KIF21B: variants seen among roughly 807,000 people sequenced by gnomAD.
KIF21B encodes kinesin family member 21B.
Under a neutral mutation model 192.9 loss-of-function variants are expected in KIF21B, and 85 were observed. That is an observed-to-expected ratio of 0.44 (90% confidence interval 0.37 to 0.53). KIF21B has a LOEUF of 0.53. Ranked by LOEUF, KIF21B falls within the 20% of genes least tolerant of loss-of-function variation. KIF21B has a pLI of 0.00. For synonymous variants in KIF21B, 832 were observed against 884.6 expected (o/e 0.94, Z 1.05); for missense variants, 1,716 against 2,194.8 (o/e 0.78, Z 4.36).
At position 200,974,800 on chromosome 1, in the gene KIF21B, G is replaced by A. The variant is rs1571905828; in HGVS notation, c.4728C>T (p.Asn1576=). 2 of 1,614,262 alleles carry A rather than the reference G, an allele frequency of 1.2e-6. No individual in the cohort carries two copies. The highest frequency in any genetic ancestry group is 1.7e-6 in the Non-Finnish European group (2 of 1,180,034). Residue 1576 remains asparagine (N), a synonymous_variant, in exon 34 of 35, where the codon AAC becomes AAT. Coordinates refer to ENST00000461742, the MANE Select transcript of KIF21B (RefSeq NM_001252102.2). ...CCTTGATCTCACCGATGGGTGTGAA[G>A]TTGTCCACGTTCCAGACCTTGATGA... ...AGVIKVWNVD[N]FTPIGEIKGH... is the part of the protein sequence containing the mutation.
rs112112486 is a variant in KIF21B at position 201,000,359 on chromosome 1, C to T, written c.1685+31G>A. ...AGGGTCCACTGGGGCGGTCTGAGGGCTCTCAGGGGCGGGGACGACACTCCA... is the reference window on the plus strand; with the variant it reads ...AGGGTCCACTGGGGCGGTCTGAGGGTTCTCAGGGGCGGGGACGACACTCCA... On this transcript the variant is annotated intron_variant, in intron 11 of 34. Transcript: ENST00000461742. This position sits in a 1 kb window ranked among gnomAD's most constrained non-coding sequence, Gnocchi z 6.0. 1.3e-6 allele frequency: 2 copies of T among 1,528,254 alleles called. No individual in the cohort carries two copies. The highest frequency in any genetic ancestry group is 8.7e-7 in the Non-Finnish European group (1 of 1,147,502). The allele number at this position is 1,528,254 out of a possible 1,614,324, so 94.7% of individuals were successfully genotyped here. A position where few individuals can be genotyped will look rare whatever the true frequency, so the allele number is the denominator to read the frequency against.
At chr1:201,014,393 C>T (rs1658389878) in intron 1 of KIF21B, among the ~76,000 whole-genome samples, 1 of 152,176 alleles carries the variant, frequency 6.6e-6, no homozygotes, top group African/African-American at 2.4e-5. Context: ...GGATCCTCGG[C>T]TCTTAGGGGA....
intron 1 of KIF21B, among the ~76,000 whole-genome samples, chr1:201,019,811 G>T (rs1658718708): frequency 1.3e-5 from 2 of 152,028 alleles, no homozygotes; most frequent in Admixed American, 6.6e-5. Context: ...GCATTGACTG[G>T]CTTTGGGACT....
chr1:201,009,584 C>T, intron 1 of KIF21B, 96 bp from the exon 2 acceptor site: 2 of 1,222,376 alleles, frequency 1.6e-6, no homozygotes, highest in Non-Finnish European at 1.1e-6. Context: ...CCACTTCCCC[C>T]ATGAGCCAGA....
intron 1 of KIF21B, among the ~76,000 whole-genome samples, chr1:201,010,314 C>T (rs954491817): frequency 1.3e-5 from 2 of 152,262 alleles, no homozygotes; most frequent in African/African-American, 2.4e-5. Flanking sequence ...CTAGAAAGGA[C>T]GCCAGGCCAG....
chr1:200,990,364 T>C lies in KIF21B; in HGVS notation c.2836-32A>G. The stretch of plus-strand genomic sequence containing the variant: ...TCAGAGGGGAGGGTGGTGATTGTGA[T>C]GAAGGAGAGGCCTCAGGTAGCTGCC... On this transcript the variant is annotated intron_variant, in intron 19 of 34. Coordinates refer to ENST00000461742, the MANE Select transcript of KIF21B (RefSeq NM_001252102.2). The surrounding 1 kb of genome is among the most constrained non-coding windows in gnomAD (Gnocchi z 5.4). The C allele has an allele frequency of 2.5e-6, 4 of 1,571,274 alleles. No individual in the cohort carries two copies. The highest frequency in any genetic ancestry group is 2.3e-5 in the South Asian group (2 of 87,122).
intron 1 of KIF21B, among the ~76,000 whole-genome samples, chr1:201,021,325 T>C (rs886987786): frequency 6.6e-6 from 1 of 152,220 alleles, no homozygotes; most frequent in African/African-American, 2.4e-5. Flanking sequence ...GGCTGGGCGC[T>C]CATGCTGGGG....
intron 16 of KIF21B, among the ~76,000 whole-genome samples, 186 bp downstream of exon 16, chr1:200,992,096 G>C (rs1259468571): frequency 1.3e-5 from 2 of 152,210 alleles, no homozygotes; most frequent in East Asian, 3.9e-4. Flanking sequence ...AACATGTGGG[G>C]GCTGGACCAG....
intron 9 of KIF21B, chr1:201,001,812 T>C (rs1216746013): frequency 3.3e-6 from 1 of 306,292 alleles, no homozygotes; most frequent in African/African-American, 2.1e-5. Flanking sequence ...TACATATTCA[T>C]ACTTGAAACA....
chr1:200,976,976 T>C, intron 31 of KIF21B, 83 bp from the exon 32 acceptor site: 1 of 1,111,482 alleles, frequency 9.0e-7, no homozygotes, highest in Non-Finnish European at 1.3e-6. Flanking sequence ...CCAAAACAAA[T>C]AGGCCTGGTC....
chr1:200,976,421 G>A (rs1655551969), intron 32 of KIF21B, among the ~76,000 whole-genome samples: 1 of 152,158 alleles, frequency 6.6e-6, no homozygotes, highest in Non-Finnish European at 1.5e-5. Context: ...ACTGTGTATG[G>A]ACAGTTTTCA....
At chr1:200,974,425 G>A (rs1655408868) in intron 34 of KIF21B, among the ~76,000 whole-genome samples, 1 of 152,040 alleles carries the variant, frequency 6.6e-6, no homozygotes. Context: ...CCTGCACGGG[G>A]GAAGACAGCC....
Position 200,998,443 on chromosome 1 carries a change from A to T in KIF21B, c.2018T>A (p.Leu673Gln), listed in dbSNP as rs754759688. The T allele has an allele frequency of 5.4e-5, 87 of 1,614,006 alleles. No individual in the cohort carries two copies. Among genetic ancestry groups the T allele is most frequent in the Non-Finnish European group, 7.1e-5 (84 of 1,180,050 alleles). ...LKHQYEEKLI[L>Q]LQNKIRDTQL... The stretch of plus-strand genomic sequence containing the variant: ...TGTGTCTCGGATCTTGTTCTGCAGC[A>T]GAATCAGCTTTTCCTCATACTGGTG... The change falls in exon 14 of 35, where the codon CTG becomes CAG. Residue 673 changes from leucine to glutamine, a missense_variant. By Grantham distance (113) the Leu-to-Gln change is moderately radical. Transcript: ENST00000461742. The surrounding 1 kb of genome is among the most constrained non-coding windows in gnomAD (Gnocchi z 4.3).
Position 200,990,367 on chromosome 1 carries a change from A to T in KIF21B, c.2836-35T>A, listed in dbSNP as rs762626054. 7.0e-6 allele frequency: 11 copies of T among 1,567,510 alleles called. No homozygotes were observed. The South Asian group carries it at 1.3e-4, about 18-fold the overall frequency. On this transcript the variant is annotated intron_variant, in intron 19 of 34. Transcript: ENST00000461742. The surrounding 1 kb of genome is among the most constrained non-coding windows in gnomAD (Gnocchi z 5.4). ...GAGGGGAGGGTGGTGATTGTGATGAAGGAGAGGCCTCAGGTAGCTGCCAAG... is the reference window on the plus strand; with the variant it reads ...GAGGGGAGGGTGGTGATTGTGATGATGGAGAGGCCTCAGGTAGCTGCCAAG...
rs1279753495 is a variant in KIF21B at position 201,002,270 on chromosome 1, A to G, written c.1293T>C (p.Asn431=). The G allele has an allele frequency of 1.5e-5, 25 of 1,614,042 alleles. No homozygotes were observed. Among genetic ancestry groups the G allele is most frequent in the Non-Finnish European group, 2.0e-5 (24 of 1,180,036 alleles). The change falls in exon 9 of 35, where the codon AAT becomes AAC. Residue 431 remains asparagine, a synonymous_variant. Coordinates refer to ENST00000461742, the MANE Select transcript of KIF21B (RefSeq NM_001252102.2). ...FRENAMLQKE[N]GALRLRVKAM... is the part of the protein sequence containing the mutation. ...CTTTCACCCGCAGCCGCAGGGCCCC[A>G]TTCTCCTTCTGTAGCATGGCATTCT...
At position 200,989,924 on chromosome 1, in the gene KIF21B, T is replaced by C; in HGVS notation, c.3132+18A>G. On this transcript the variant is annotated intron_variant, in intron 21 of 34. Transcript: ENST00000461742. ...CTGTGCCCATAGAGCCCCCTGCCCA[T>C]GTACGCTCCCAGCTTACCTTGTCAA... 1.9e-6 allele frequency: 3 copies of C among 1,600,298 alleles called. No homozygotes were observed. The highest frequency in any genetic ancestry group is 2.6e-6 in the Non-Finnish European group (3 of 1,167,914).
rs541197406 is a variant in KIF21B, at chr1:201,023,311, C to T, written c.41+32G>A. On this transcript the variant is annotated intron_variant, in intron 1 of 34. Coordinates refer to ENST00000461742, the MANE Select transcript of KIF21B (RefSeq NM_001252102.2). This position sits in a 1 kb window ranked among gnomAD's most constrained non-coding sequence, Gnocchi z 5.9. The stretch of plus-strand genomic sequence containing the variant: ...CGCGAGACAAAGCCCGAGGCTTCTC[C>T]GCGCGCCCCCTTCCCCGCCCCGGGT... The T allele has an allele frequency of 4.7e-5, 72 of 1,517,746 alleles. No individual in the cohort carries two copies. The African/African-American group carries it at 8.6e-4, about 18-fold the overall frequency. The allele number at this position is 1,517,746 out of a possible 1,614,324, so 94.0% of individuals were successfully genotyped here. A position where few individuals can be genotyped will look rare whatever the true frequency, so the allele number is the denominator to read the frequency against.
rs1655336075 is a variant in KIF21B at position 200,973,525 on chromosome 1, G to T, written c.4868C>A (p.Pro1623His). 1.4e-5 allele frequency: 21 copies of T among 1,480,866 alleles called. No homozygotes were observed. The highest frequency in any genetic ancestry group is 1.9e-5 in the Non-Finnish European group (21 of 1,128,154). 91.7% of individuals were successfully genotyped at this position (1,480,866 alleles called of 1,614,324 possible). Residue 1623 changes from proline to histidine, a missense_variant, in exon 35 of 35, where the codon CCC becomes CAC. This residue lies in a region of KIF21B where 580 missense variants were observed against 775.5 expected (regional missense o/e 0.75). Transcript: ENST00000461742. ...GGCATCCCTCTGACCTCACTCCTAG[G>T]GTGGGCCGCTGTGGGGTAACCGCCG... ...SVRRLPHSGP[P>H]
At position 200,976,726 on chromosome 1, in the gene KIF21B, T is replaced by C. The variant is rs150961063; in HGVS notation, c.4443+50A>G. 5,972 of 1,202,428 alleles carry C rather than the reference T, an allele frequency of 5.0e-3. 19 individuals are homozygous for C. The highest frequency in any genetic ancestry group is 7.3e-3 in the African/African-American group (485 of 66,616). The allele number at this position is 1,202,428 out of a possible 1,614,324, so 74.5% of individuals were successfully genotyped here. A position where few individuals can be genotyped will look rare whatever the true frequency, so the allele number is the denominator to read the frequency against. On this transcript the variant is annotated intron_variant, in intron 32 of 34. Transcript: ENST00000461742. ...CTCCCAGGGCAACAGAGGGCAAAGA[T>C]TGGGGAGAGTGGAAGACCAGCCCCG...
Sources: gnomAD v4.1 joint callset for allele counts (sites outside exome capture counted in the v4.1 genomes callset) on GRCh38, gnomAD v4.1.1 for gene constraint, gnomAD v4.1.1 regional missense constraint, Gnocchi (gnomAD v3.1) non-coding constraint, MANE v1.5 for transcripts, NCBI Gene and HGNC (gene_info 2026-07-23, HGNC 2026-07-21) for gene names.